NAA25: variants seen among roughly 807,000 people sequenced by gnomAD.
The protein encoded by NAA25 is N-alpha-acetyltransferase 25, NatB auxiliary subunit.
A neutral mutation model predicts 132.5 loss-of-function variants in NAA25; 30 were observed. The observed-to-expected ratio is 0.23, with a 90% CI of 0.17 to 0.31. The LOEUF is 0.31. Ranked by LOEUF, NAA25 falls within the 10% of genes least tolerant of loss-of-function variation. NAA25 has a pLI of 1.00. For missense variants in NAA25, 771 were observed against 1,150.4 expected, an observed-to-expected ratio of 0.67 and a Z score of 4.77; for synonymous variants, 359 against 401.9, an observed-to-expected ratio of 0.89 and a Z score of 1.28.
intron 23 of NAA25, among the ~76,000 whole-genome samples, chr12:112,031,081 A>G (rs2078143868): frequency 6.6e-6 from 1 of 152,156 alleles, no homozygotes; most frequent in Non-Finnish European, 1.5e-5. Flanking sequence ...CACCTGGCCG[A>G]GTTTACATTT....
intron 1 of NAA25, among the ~76,000 whole-genome samples, chr12:112,094,240 C>CAAAA (rs199734463): frequency 2.9e-5 from 2 of 69,260 alleles, no homozygotes; most frequent in African/African-American, 1.0e-4. Flanking sequence ...GACTCTGTCT[C>CAAAA]AAAAAAAAAA....
At chr12:112,055,608 G>A (rs556120655) in intron 13 of NAA25, among the ~76,000 whole-genome samples, 2 of 152,178 alleles carry the variant, frequency 1.3e-5, no homozygotes, top group Admixed American at 6.5e-5. Context: ...GGAGGGCTGA[G>A]GTTGGGAGGA....
At chr12:112,039,412 G>T (rs751850802) in intron 21 of NAA25, 73 bp from the exon 22 acceptor site, 29 of 871,406 alleles carry the variant, frequency 3.3e-5, no homozygotes, top group Non-Finnish European at 5.4e-5. Flanking sequence ...AGAGGCAATG[G>T]ATTCAACAAA....
chr12:112,086,032 A>T, intron 4 of NAA25, among the ~76,000 whole-genome samples: 1 of 74,838 alleles, frequency 1.3e-5, no homozygotes, highest in Non-Finnish European at 2.2e-5. Flanking sequence ...AAAAAAAAAA[A>T]AAAAAAAAAA....
At chr12:112,051,335 C>G (rs1314027000) in intron 15 of NAA25, among the ~76,000 whole-genome samples, 1 of 152,076 alleles carries the variant, frequency 6.6e-6, no homozygotes, top group Non-Finnish European at 1.5e-5. Flanking sequence ...CTCAGCCTGC[C>G]GAGTAGCTGG....
chr12:112,078,422 A>C (rs957849196), intron 6 of NAA25, among the ~76,000 whole-genome samples, 156 bp from the exon 7 acceptor site: 1 of 152,164 alleles, frequency 6.6e-6, no homozygotes, highest in African/African-American at 2.4e-5. Flanking sequence ...CTCCATCTAT[A>C]TCTCTCCCGT....
chr12:112,047,199 G>GTTT (rs906030750), intron 17 of NAA25, among the ~76,000 whole-genome samples: 1 of 122,242 alleles, frequency 8.2e-6, no homozygotes, highest in African/African-American at 3.1e-5. Context: ...AGTGAAGTTT[G>GTTT]TTTTTTTTAA....
chr12:112,068,046 T>C (rs2078745214), intron 11 of NAA25, among the ~76,000 whole-genome samples: 1 of 152,098 alleles, frequency 6.6e-6, no homozygotes, highest in Non-Finnish European at 1.5e-5. Flanking sequence ...CCTCTTTTTT[T>C]CTTTTTTTAA....
intron 13 of NAA25, 24 bp from the exon 14 acceptor site, chr12:112,054,592 C>T: frequency 6.2e-7 from 1 of 1,602,256 alleles, no homozygotes; most frequent in African/African-American, 1.3e-5. Flanking sequence ...ACAGCATTAT[C>T]CACTGATCTT....
At chr12:112,108,341 G>A (rs1200332558) in intron 1 of NAA25, among the ~76,000 whole-genome samples, 2 of 152,236 alleles carry the variant, frequency 1.3e-5, no homozygotes, top group East Asian at 1.9e-4. Flanking sequence ...CCCTCAGGCA[G>A]GGCGTCCCAC....
At chr12:112,036,235 TAA>T (rs1342372403) in intron 22 of NAA25, among the ~76,000 whole-genome samples, 3 of 152,204 alleles carry the variant, frequency 2.0e-5, no homozygotes, top group African/African-American at 7.2e-5. Context: ...TAATAAAAAG[TAA>T]TCTCAGTTTT....
At chr12:112,064,928 G>A (rs2078693213) in intron 11 of NAA25, among the ~76,000 whole-genome samples, 1 of 152,134 alleles carries the variant, frequency 6.6e-6, no homozygotes, top group African/African-American at 2.4e-5. Flanking sequence ...CAGCTACTTG[G>A]GCAGCTTAGG....
rs180797490 is a variant in NAA25, at chr12:112,047,881, G to A, written c.1881-91C>T. On this transcript the variant is annotated intron_variant, in intron 16 of 23. Coordinates refer to ENST00000261745, the MANE Select transcript of NAA25 (RefSeq NM_024953.4). ...GACTTCCTGTTTTACTAGACAGGAAGGGAAAGAGGAAGGAAGGGCTCATAA... is the reference window on the plus strand; with the variant it reads ...GACTTCCTGTTTTACTAGACAGGAAAGGAAAGAGGAAGGAAGGGCTCATAA... 1.9e-4 allele frequency: 247 copies of A among 1,305,420 alleles called. 3 individuals are homozygous for A. In the East Asian group the frequency reaches 2.5e-3, roughly 13 times the overall value. 80.9% of individuals were successfully genotyped at this position (1,305,420 alleles called of 1,614,324 possible). A position where few individuals can be genotyped will look rare whatever the true frequency, so the allele number is the denominator to read the frequency against.
intron 1 of NAA25, among the ~76,000 whole-genome samples, chr12:112,101,828 G>A (rs1238471478): frequency 6.6e-6 from 1 of 150,758 alleles, no homozygotes; most frequent in East Asian, 1.9e-4. Context: ...AGTGATTAGT[G>A]ATGGCTACCA....
chr12:112,061,458 G>A, intron 11 of NAA25, 70 bp from the exon 12 acceptor site: 17 of 1,077,374 alleles, frequency 1.6e-5, no homozygotes, highest in South Asian at 2.7e-5. Flanking sequence ...ATAATTAACA[G>A]AAATTGAATG....
At chr12:112,038,954 G>A (rs1011833493) in intron 22 of NAA25, among the ~76,000 whole-genome samples, 2 of 152,088 alleles carry the variant, frequency 1.3e-5, no homozygotes, top group Admixed American at 6.5e-5. Context: ...ACTCCAGCCT[G>A]GGCTATAGAG....
chr12:112,027,770 G>GAC lies in NAA25; in HGVS notation c.*1759_*1760dup, dbSNP rs1427146245. 6.6e-6 allele frequency: 1 copy of GAC among 152,200 alleles called. No homozygotes were observed. Among genetic ancestry groups the GAC allele is most frequent in the Non-Finnish European group, 1.5e-5 (1 of 68,026 alleles). 9.4% of individuals were successfully genotyped at this position (152,200 alleles called of 1,614,324 possible). A position where few individuals can be genotyped will look rare whatever the true frequency, so the allele number is the denominator to read the frequency against. ...CACATGTACCCCACCCTCCCCAGCA[G>GAC]ACACACACAAAGTTCCATCTTAAAC... On this transcript the variant is annotated 3_prime_UTR_variant, in exon 24 of 24. Coordinates refer to ENST00000261745, the MANE Select transcript of NAA25 (RefSeq NM_024953.4).
chr12:112,042,923 T>C (rs908478477), intron 19 of NAA25, among the ~76,000 whole-genome samples, 165 bp downstream of exon 19: 2 of 152,268 alleles, frequency 1.3e-5, no homozygotes, highest in Admixed American at 6.5e-5. Context: ...AACATTACTT[T>C]GTAACCTACG....
At chr12:112,055,676 A>G (rs1283158434) in intron 13 of NAA25, among the ~76,000 whole-genome samples, 1 of 152,022 alleles carries the variant, frequency 6.6e-6, no homozygotes, top group Non-Finnish European at 1.5e-5. Flanking sequence ...ACTGCACTCC[A>G]ACCTTGGCAG....
Sources: allele counts gnomAD v4.1 joint callset (sites outside exome capture counted in the v4.1 genomes callset), GRCh38; gene constraint gnomAD v4.1.1; transcripts MANE v1.5; gene names NCBI Gene and HGNC (gene_info 2026-07-23, HGNC 2026-07-21).